NIPSNAP2: variants seen among roughly 807,000 people sequenced by gnomAD.
NIPSNAP2 encodes the protein protein NipSnap homolog 2.
In NIPSNAP2, 42 loss-of-function variants were observed where a neutral mutation model predicts 48.4. The ratio of observed to expected loss-of-function variants is 0.87; its 90% CI spans 0.68 to 1.12. NIPSNAP2 has a LOEUF of 1.12. Ranked by LOEUF, NIPSNAP2 falls within the 50% of genes most tolerant of loss-of-function variation. The probability of loss-of-function intolerance (pLI) is 0.00; values close to 1 mark genes in which losing one functional copy is unlikely to be tolerated. For missense variants in NIPSNAP2, 314 were observed against 347.3 expected (o/e 0.90, Z 0.76); for synonymous variants, 158 against 126.6 (o/e 1.25, Z -1.67).
At chr7:55,981,726 T>C in intron 4 of NIPSNAP2, 159 bp downstream of exon 4, 1 of 560,314 alleles carries the variant, frequency 1.8e-6, no homozygotes, top group Non-Finnish European at 3.2e-6. Flanking sequence ...ATTGCGAAAA[T>C]GGTTTTAAAA....
In NIPSNAP2 at chr7:55,978,283, T is replaced by A. The variant is rs1156602942; in HGVS notation, c.232+18T>A. The A allele has an allele frequency of 6.2e-7, 1 of 1,613,814 alleles. No homozygotes were observed. The highest frequency in any genetic ancestry group is 2.2e-5 in the East Asian group (1 of 44,898). On this transcript the variant is annotated intron_variant, in intron 2 of 9. Transcript: ENST00000322090. ...ATTACAGTGTGAGTGACAGGTTTGC[T>A]ATCTTCATAGTTGACTTTTTTTCCC...
intron 4 of NIPSNAP2, chr7:55,981,976 T>G (rs1043200579): frequency 2.0e-5 from 7 of 343,530 alleles, no homozygotes; most frequent in African/African-American, 1.5e-4. Context: ...CCAGGTAATT[T>G]TTGTATTTTT....
chr7:55,969,902 G>A (rs142680282), intron 1 of NIPSNAP2, among the ~76,000 whole-genome samples: 5,242 of 149,776 alleles, frequency 0.035, 310 homozygotes, highest in African/African-American at 0.12. Context: ...AGAATGGCGT[G>A]AACCCGGGAG....
chr7:55,993,183 C>T (rs1178624805), intron 7 of NIPSNAP2, among the ~76,000 whole-genome samples: 1 of 151,846 alleles, frequency 6.6e-6, no homozygotes, highest in South Asian at 2.1e-4. Context: ...CCTGTAATCC[C>T]AGCTACACAG....
chr7:55,982,170 G>A, intron 4 of NIPSNAP2, 40 bp from the exon 5 acceptor site: 1 of 1,324,086 alleles, frequency 7.6e-7, no homozygotes, highest in Non-Finnish European at 1.1e-6. Context: ...GTAGTATCAT[G>A]AAATTCTAAA....
intron 6 of NIPSNAP2, 130 bp from the exon 7 acceptor site, chr7:55,984,717 C>T (rs1378794013): frequency 4.1e-6 from 2 of 493,222 alleles, no homozygotes; most frequent in Non-Finnish European, 6.9e-6. Context: ...GATTCTGTCT[C>T]AAAAAAAAAA....
rs1031084518 is a variant in NIPSNAP2 at position 55,977,893 on chromosome 7, A to G, written c.93-233A>G. Reference sequence around the variant, plus strand: ...TGTCAAAAATTGCTTTGAAAAACACATAGTGCAAATTGCAAAGATAAATGT... The same window carrying G: ...TGTCAAAAATTGCTTTGAAAAACACGTAGTGCAAATTGCAAAGATAAATGT... On this transcript the variant is annotated intron_variant, in intron 1 of 9. Transcript: ENST00000322090. 5.9e-5 allele frequency among the ~76,000 whole-genome samples: 9 copies of G among 152,296 alleles called. 1 individual carries two copies. The highest frequency in any genetic ancestry group is 3.9e-4 in the East Asian group (2 of 5,188).
At chr7:55,968,112 G>A (rs775444558) in intron 1 of NIPSNAP2, among the ~76,000 whole-genome samples, 7 of 152,002 alleles carry the variant, frequency 4.6e-5, no homozygotes, top group African/African-American at 7.2e-5. Flanking sequence ...AATTCTAAGC[G>A]GACATTTTCC....
At chr7:55,967,617 C>G (rs1786923272) in intron 1 of NIPSNAP2, among the ~76,000 whole-genome samples, 1 of 149,776 alleles carries the variant, frequency 6.7e-6, no homozygotes, top group South Asian at 2.1e-4. Context: ...CAGGCCCACA[C>G]CACCATGCCC....
chr7:55,982,745 C>CT lies in NIPSNAP2; in HGVS notation c.444+466dup, dbSNP rs1238070713. 4.2e-5 allele frequency among the ~76,000 whole-genome samples: 6 copies of CT among 141,828 alleles called. No individual in the cohort carries two copies. The East Asian group carries it at 1.2e-3, about 28-fold the overall frequency. The allele number at this position is 141,828 out of a possible 152,430, so 93.0% of individuals were successfully genotyped here. A position where few individuals can be genotyped will look rare whatever the true frequency, so the allele number is the denominator to read the frequency against. ...CCAGCCTGGGCGACAGAGCAAGACT[C>CT]TGTCTCAAAAAAAAAAAAAAAATTC... On this transcript the variant is annotated intron_variant, in intron 5 of 9. Coordinates refer to ENST00000322090, the MANE Select transcript of NIPSNAP2 (RefSeq NM_001483.3).
rs1786851228 is a variant in NIPSNAP2, at chr7:55,964,638, G to A, written c.29G>A (p.Gly10Glu). 1.9e-6 allele frequency: 2 copies of A among 1,078,430 alleles called. No homozygotes were observed. Among genetic ancestry groups the A allele is most frequent in the Admixed American group, 5.3e-5 (1 of 18,800 alleles). The allele number at this position is 1,078,430 out of a possible 1,614,324, so 66.8% of individuals were successfully genotyped here. A position where few individuals can be genotyped will look rare whatever the true frequency, so the allele number is the denominator to read the frequency against. MAARVLRARGAAWAGGLLQR... is the reference protein window; with the variant it reads MAARVLRAREAAWAGGLLQR... ...GCGGCGCGAGTGCTGCGCGCCCGCGGAGCGGCCTGGGCCGGCGGCCTCCTG... is the reference window on the plus strand; with the variant it reads ...GCGGCGCGAGTGCTGCGCGCCCGCGAAGCGGCCTGGGCCGGCGGCCTCCTG... Residue 10 changes from glycine to glutamate, a missense_variant, in exon 1 of 10, where the codon GGA (glycine) becomes GAA (glutamate). By Grantham distance (98) the Gly-to-Glu change is moderately conservative. Transcript: ENST00000322090.
chr7:55,989,211 C>T (rs963070605), intron 7 of NIPSNAP2, among the ~76,000 whole-genome samples: 1 of 152,190 alleles, frequency 6.6e-6, no homozygotes, highest in African/African-American at 2.4e-5. Context: ...ATTCAAAACA[C>T]AAGAAACACA....
intron 1 of NIPSNAP2, 99 bp downstream of exon 1, chr7:55,964,800 C>G: frequency 3.7e-6 from 2 of 536,066 alleles, no homozygotes; most frequent in Non-Finnish European, 5.0e-6. Flanking sequence ...GGCCCTGTCC[C>G]CAGCGCGGGT....
chr7:55,998,978 C>T (rs564630720), intron 9 of NIPSNAP2, 30 bp from the exon 10 acceptor site: 2 of 1,583,412 alleles, frequency 1.3e-6, no homozygotes, highest in Admixed American at 1.7e-5. Context: ...TAGAAAGTAA[C>T]AAGTGCAGTA....
chr7:55,980,361 C>T (rs1236017502), intron 3 of NIPSNAP2: 5 of 154,184 alleles, frequency 3.2e-5, no homozygotes, highest in South Asian at 2.0e-4. Context: ...TATCCCTGGT[C>T]GTATGGAGCT....
chr7:55,981,539 C>T lies in NIPSNAP2; in HGVS notation c.345C>T (p.Asn115=). The T allele has an allele frequency of 2.5e-6, 4 of 1,613,924 alleles. No homozygotes were observed. Among genetic ancestry groups the T allele is most frequent in the Non-Finnish European group, 3.4e-6 (4 of 1,179,864 alleles). ...CTTGTACTTTGGTGGGGACTTGGAA[C>T]ACGTGGTATGGCGAGCAGGACCAAG... The part of the protein sequence containing the change: ...HYPCTLVGTW[N]TWYGEQDQAV... Residue 115 remains asparagine (N), a synonymous_variant, in exon 4 of 10, where the codon AAC becomes AAT. Coordinates refer to ENST00000322090, the MANE Select transcript of NIPSNAP2 (RefSeq NM_001483.3).
At chr7:55,979,667 C>T (rs766646331) in intron 3 of NIPSNAP2, 6 of 423,296 alleles carry the variant, frequency 1.4e-5, no homozygotes, top group Non-Finnish European at 2.4e-5. Context: ...CCTTCCTGCC[C>T]TGCAATACAT....
chr7:55,969,450 C>T (rs967693822), intron 1 of NIPSNAP2, among the ~76,000 whole-genome samples: 1 of 152,214 alleles, frequency 6.6e-6, no homozygotes, highest in African/African-American at 2.4e-5. Context: ...CCATCTGCTC[C>T]TCTTCTTTCC....
At chr7:55,981,428 A>AT in intron 3 of NIPSNAP2, 45 bp from the exon 4 acceptor site, 1 of 1,476,204 alleles carries the variant, frequency 6.8e-7, no homozygotes, top group East Asian at 2.3e-5. Context: ...ACCTGGTCAA[A>AT]TTTTGCTGGT....
Sources: allele counts gnomAD v4.1 joint callset (sites outside exome capture counted in the v4.1 genomes callset), GRCh38; gene constraint gnomAD v4.1.1; transcripts MANE v1.5; gene names NCBI Gene and HGNC (gene_info 2026-07-23, HGNC 2026-07-21).